NSD2: variants seen among roughly 807,000 people sequenced by gnomAD.
NSD2 encodes the protein nuclear receptor binding SET domain protein 2.
In NSD2, 12 loss-of-function variants were observed where a neutral mutation model predicts 139.0. The ratio of observed to expected loss-of-function variants is 0.09; its 90% CI spans 0.06 to 0.14. NSD2 has a LOEUF of 0.14. Ranked by LOEUF, NSD2 falls within the 10% of genes least tolerant of loss-of-function variation. The pLI is 1.00. For synonymous variants in NSD2, 669 were observed against 648.7 expected (o/e 1.03, Z -0.48); for missense variants, 1,155 against 1,745.0 (o/e 0.66, Z 6.02).
intron 9 of NSD2, chr4:1,947,523 A>G (rs1723758153): frequency 9.5e-7 from 1 of 1,055,406 alleles, no homozygotes; most frequent in Admixed American, 5.5e-5. Flanking sequence ...GGGTCACTTT[A>G]ATAAAAATTG....
chr4:1,899,051 A>G (rs1298846781), intron 1 of NSD2, among the ~76,000 whole-genome samples: 1 of 152,208 alleles, frequency 6.6e-6, no homozygotes. Flanking sequence ...ATGAGCTGGA[A>G]GAGGAACTGA....
intron 5 of NSD2, among the ~76,000 whole-genome samples, chr4:1,928,646 G>A (rs1244800664): frequency 6.6e-6 from 1 of 152,056 alleles, no homozygotes; most frequent in Non-Finnish European, 1.5e-5. Context: ...GCTGCAGGGC[G>A]CTTGTGACTC....
chr4:1,884,930 G>T (rs1714966212), intron 1 of NSD2, among the ~76,000 whole-genome samples: 1 of 151,632 alleles, frequency 6.6e-6, no homozygotes, highest in South Asian at 2.1e-4. Context: ...CCAACATGGA[G>T]AAACCCTGTC....
chr4:1,925,052 G>A (rs1720684053), intron 5 of NSD2, among the ~76,000 whole-genome samples: 2 of 152,226 alleles, frequency 1.3e-5, no homozygotes, highest in Non-Finnish European at 1.5e-5. Context: ...GGGTGGTTTT[G>A]AAGAATTTTC....
At position 1,942,546 on chromosome 4, in the gene NSD2, TAAC is replaced by T; in HGVS notation, c.1881+2771_1881+2773del. ...AAACACATACAATGAAGAAAACAGA[TAAC>T]AAATTTTAAGACCAAGGTAAGATAA... On this transcript the variant is annotated intron_variant, in intron 9 of 21. Coordinates refer to ENST00000508803, the MANE Select transcript of NSD2 (RefSeq NM_001042424.3). The surrounding 1 kb of genome is among the most constrained non-coding windows in gnomAD (Gnocchi z 4.0). 1 of 1,395,688 alleles carries T rather than the reference TAAC, an allele frequency of 7.2e-7. No homozygotes were observed. Among genetic ancestry groups the T allele is most frequent in the Non-Finnish European group, 9.3e-7 (1 of 1,071,688 alleles). The allele number at this position is 1,395,688 out of a possible 1,614,324, so 86.5% of individuals were successfully genotyped here.
chr4:1,976,765 G>T lies in NSD2; in HGVS notation c.3826+86G>T. The T allele has an allele frequency of 7.1e-7, 1 of 1,415,240 alleles. No individual in the cohort carries two copies. The highest frequency in any genetic ancestry group is 1.4e-5 in the South Asian group (1 of 73,194). 87.7% of individuals were successfully genotyped at this position (1,415,240 alleles called of 1,614,324 possible). On this transcript the variant is annotated intron_variant, in intron 21 of 21. Transcript: ENST00000508803. This position sits in a 1 kb window ranked among gnomAD's most constrained non-coding sequence, Gnocchi z 5.3. ...GCTGCTGCCGCTCTTCCTGCTGACC[G>T]GGCCTCATCTGGGTGCAGGCACATC...
intron 2 of NSD2, among the ~76,000 whole-genome samples, chr4:1,902,628 A>T (rs945965246): frequency 6.6e-6 from 1 of 152,136 alleles, no homozygotes; most frequent in African/African-American, 2.4e-5. Context: ...GTTTTGAGAC[A>T]GGGTCTTGGT....
intron 1 of NSD2, among the ~76,000 whole-genome samples, chr4:1,885,154 G>GT (rs1488238167): frequency 5.3e-5 from 8 of 151,992 alleles, no homozygotes; most frequent in Non-Finnish European, 1.0e-4. Flanking sequence ...TCAACTGCCT[G>GT]TAACTCCTTT....
At chr4:1,915,111 CTTTTTT>C (rs781255847) in intron 3 of NSD2, among the ~76,000 whole-genome samples, 30 of 115,542 alleles carry the variant, frequency 2.6e-4, no homozygotes, top group African/African-American at 9.5e-4. Flanking sequence ...CTTTTTTTCT[CTTTTTT>C]TTTTTTTTTT....
chr4:1,878,247 A>G (rs1273665557), intron 1 of NSD2, among the ~76,000 whole-genome samples: 13 of 37,136 alleles, frequency 3.5e-4, no homozygotes, highest in African/African-American at 1.7e-3. Context: ...ATATATATAT[A>G]TATATTTTTT....
intron 1 of NSD2, among the ~76,000 whole-genome samples, chr4:1,876,523 T>C (rs1055669840): frequency 2.0e-5 from 3 of 152,012 alleles, no homozygotes; most frequent in Non-Finnish European, 4.4e-5. Flanking sequence ...AGACCCCATC[T>C]CTACAAAAAT....
chr4:1,955,364 G>A lies in NSD2; in HGVS notation c.2518+24G>A, dbSNP rs1275714036. ...AGGTGAGGGGCCTGGGGGTGTCTGCGGCACACGCCTCTCACACTCCCAGGA... is the reference window on the plus strand; with the variant it reads ...AGGTGAGGGGCCTGGGGGTGTCTGCAGCACACGCCTCTCACACTCCCAGGA... On this transcript the variant is annotated intron_variant, in intron 13 of 21. Coordinates refer to ENST00000508803, the MANE Select transcript of NSD2 (RefSeq NM_001042424.3). The surrounding 1 kb of genome is among the most constrained non-coding windows in gnomAD (Gnocchi z 4.7). The A allele has an allele frequency of 4.4e-6, 7 of 1,592,090 alleles. No individual in the cohort carries two copies. The highest frequency in any genetic ancestry group is 2.3e-5 in the East Asian group (1 of 44,306).
chr4:1,953,152 T>A (rs1195049436), intron 11 of NSD2, 172 bp from the exon 12 acceptor site: 3 of 1,550,988 alleles, frequency 1.9e-6, no homozygotes, highest in Non-Finnish European at 2.6e-6. Context: ...GATGGCTGGA[T>A]CTTTTTGCTG....
At chr4:1,898,116 T>G (rs1195362940) in intron 1 of NSD2, among the ~76,000 whole-genome samples, 1 of 152,072 alleles carries the variant, frequency 6.6e-6, no homozygotes, top group East Asian at 1.9e-4. Flanking sequence ...TTTTACAGTC[T>G]TGCTCTGTAA....
At chr4:1,969,954 C>T (rs1021815781) in intron 18 of NSD2, among the ~76,000 whole-genome samples, 1 of 152,122 alleles carries the variant, frequency 6.6e-6, no homozygotes, top group African/African-American at 2.4e-5. Flanking sequence ...TCAAGGAACA[C>T]ACTAGAGAGT....
rs1373924864 is a variant in NSD2 at position 1,980,044 on chromosome 4, TCTG to T, written c.*1139_*1141del. The T allele has an allele frequency of 8.6e-6, 2 of 233,024 alleles. No homozygotes were observed. Among genetic ancestry groups the T allele is most frequent in the Non-Finnish European group, 1.7e-5 (2 of 117,972 alleles). The allele number at this position is 233,024 out of a possible 1,614,324, so 14.4% of individuals were successfully genotyped here. On this transcript the variant is annotated 3_prime_UTR_variant, in exon 22 of 22. Coordinates refer to ENST00000508803, the MANE Select transcript of NSD2 (RefSeq NM_001042424.3). ...GGGTCTGGTGATGGAAGATGCAGTCTCTGCTGATCACATGTGCCCTCTGCCAGG... is the reference window on the plus strand; with the variant it reads ...GGGTCTGGTGATGGAAGATGCAGTCTCTGATCACATGTGCCCTCTGCCAGG...
Position 1,956,637 on chromosome 4 carries a change from G to A in NSD2, c.2881+449G>A, listed in dbSNP as rs1724830189. Among the ~76,000 whole-genome samples, 1 of 152,196 alleles carries A rather than the reference G, an allele frequency of 6.6e-6. No individual in the cohort carries two copies. Among genetic ancestry groups the A allele is most frequent in the African/African-American group, 2.4e-5 (1 of 41,448 alleles). On this transcript the variant is annotated intron_variant, in intron 15 of 21. Coordinates refer to ENST00000508803, the MANE Select transcript of NSD2 (RefSeq NM_001042424.3). This position sits in a 1 kb window ranked among gnomAD's most constrained non-coding sequence, Gnocchi z 5.3. ...TCCCCAGCTGGGGTGGGAGGCAGGAGCAACGATGTGGCATGGCTGGCTGAT... is the reference window on the plus strand; with the variant it reads ...TCCCCAGCTGGGGTGGGAGGCAGGAACAACGATGTGGCATGGCTGGCTGAT...
At position 1,948,498 on chromosome 4, in the gene NSD2, C is replaced by G; in HGVS notation, c.1882-2574C>G. On this transcript the variant is annotated intron_variant, in intron 9 of 21. Transcript: ENST00000508803. This position sits in a 1 kb window ranked among gnomAD's most constrained non-coding sequence, Gnocchi z 4.5. ...CTCTCCTTGCGGGTGGTTGCCGAGC[C>G]GAGAGCATTGGATCCTCCCCGACTG... The G allele has an allele frequency of 1.9e-6, 2 of 1,064,342 alleles. No individual in the cohort carries two copies. Among genetic ancestry groups the G allele is most frequent in the Admixed American group, 5.4e-5 (1 of 18,620 alleles). 65.9% of individuals were successfully genotyped at this position (1,064,342 alleles called of 1,614,324 possible). A position where few individuals can be genotyped will look rare whatever the true frequency, so the allele number is the denominator to read the frequency against.
rs1446977913 is a variant in NSD2 at position 1,956,773 on chromosome 4, A to C, written c.2881+585A>C. On this transcript the variant is annotated intron_variant, in intron 15 of 21. Transcript: ENST00000508803. This position sits in a 1 kb window ranked among gnomAD's most constrained non-coding sequence, Gnocchi z 5.3. ...GAATGAGGCCAGTAGAGAAAACCCGAGGTGTGTGCATGTGGCTCGTTCAGG... is the reference window on the plus strand; with the variant it reads ...GAATGAGGCCAGTAGAGAAAACCCGCGGTGTGTGCATGTGGCTCGTTCAGG... Among the ~76,000 whole-genome samples the C allele has an allele frequency of 6.6e-6, 1 of 152,208 alleles. No individual in the cohort carries two copies. Among genetic ancestry groups the C allele is most frequent in the Non-Finnish European group, 1.5e-5 (1 of 68,034 alleles).
Sources: gnomAD v4.1 joint callset for allele counts (sites outside exome capture counted in the v4.1 genomes callset) on GRCh38, gnomAD v4.1.1 for gene constraint, Gnocchi (gnomAD v3.1) non-coding constraint, MANE v1.5 for transcripts, NCBI Gene and HGNC (gene_info 2026-07-23, HGNC 2026-07-21) for gene names.